PLS1: variants seen among roughly 807,000 people sequenced by gnomAD.
PLS1 encodes the protein plastin-1.
Under a neutral mutation model 73.7 loss-of-function variants are expected in PLS1, and 32 were observed. That is an observed-to-expected ratio of 0.43 (90% CI 0.33 to 0.58). The LOEUF (loss-of-function observed/expected upper bound fraction) is 0.58, where lower values mean the gene tolerates loss of function less well. PLS1 is among the 20% of genes least tolerant of loss of function. PLS1 has a pLI of 0.04. For missense variants in PLS1, 633 were observed against 740.5 expected, an observed-to-expected ratio of 0.85 and a Z score of 1.68; for synonymous variants, 217 against 261.3, an observed-to-expected ratio of 0.83 and a Z score of 1.63.
At chr3:142,680,932 T>C (rs2037839750) in intron 6 of PLS1, among the ~76,000 whole-genome samples, 1 of 152,186 alleles carries the variant, frequency 6.6e-6, no homozygotes, top group South Asian at 2.1e-4. Context: ...GTGGTAGTAA[T>C]AGCAACTATT....
chr3:142,633,721 G>A (rs1177742717), intron 1 of PLS1, among the ~76,000 whole-genome samples: 1 of 152,050 alleles, frequency 6.6e-6, no homozygotes, highest in Non-Finnish European at 1.5e-5. Context: ...AATGTTATGT[G>A]TTTTTTACCA....
chr3:142,607,356 T>C (rs1577765014), intron 1 of PLS1, among the ~76,000 whole-genome samples: 1 of 152,320 alleles, frequency 6.6e-6, no homozygotes, highest in African/African-American at 2.4e-5. Context: ...CTCGGCTCAC[T>C]GCAACCTCTG....
At chr3:142,636,765 T>C (rs1033684439) in intron 1 of PLS1, among the ~76,000 whole-genome samples, 10 of 152,094 alleles carry the variant, frequency 6.6e-5, no homozygotes, top group African/African-American at 2.4e-4. Flanking sequence ...GGCAAAAGAT[T>C]TGGACACTTA....
At chr3:142,637,063 A>C (rs1309451412) in intron 1 of PLS1, among the ~76,000 whole-genome samples, 1 of 152,220 alleles carries the variant, frequency 6.6e-6, no homozygotes, top group Non-Finnish European at 1.5e-5. Flanking sequence ...TACTATAGGC[A>C]TTTACTGAAG....
intron 1 of PLS1, among the ~76,000 whole-genome samples, chr3:142,628,298 A>G (rs2036474558): frequency 6.6e-6 from 1 of 151,864 alleles, no homozygotes; most frequent in African/African-American, 2.4e-5. Flanking sequence ...TTATATGTGG[A>G]AATGGGAATA....
chr3:142,668,873 A>G (rs2037538058), intron 2 of PLS1, among the ~76,000 whole-genome samples: 1 of 151,948 alleles, frequency 6.6e-6, no homozygotes, highest in Non-Finnish European at 1.5e-5. Context: ...AAGTGCTGGG[A>G]TTATAAGTGT....
At chr3:142,656,515 C>G (rs946192970) in intron 1 of PLS1, 2 of 152,170 alleles carry the variant, frequency 1.3e-5, no homozygotes, top group African/African-American at 4.8e-5. Context: ...TAAAGAAAAT[C>G]TGATAAAAAA....
chr3:142,655,985 A>C (rs930826819), intron 1 of PLS1, among the ~76,000 whole-genome samples: 1 of 152,122 alleles, frequency 6.6e-6, no homozygotes, highest in Admixed American at 6.5e-5. Context: ...TTTTTGAGAT[A>C]GAGTCTCACT....
chr3:142,672,066 CAAAAA>C, intron 4 of PLS1, among the ~76,000 whole-genome samples: 1 of 150,618 alleles, frequency 6.6e-6, no homozygotes, highest in Middle Eastern at 3.4e-3. Flanking sequence ...TTTTTAAAGA[CAAAAA>C]AAAATTATTA....
intron 1 of PLS1, among the ~76,000 whole-genome samples, chr3:142,599,293 CTAATTG>C (rs1466360582): frequency 6.6e-6 from 1 of 150,448 alleles, no homozygotes; most frequent in South Asian, 2.1e-4. Flanking sequence ...AGACTATCCC[CTAATTG>C]TATAGAGGAG....
intron 1 of PLS1, among the ~76,000 whole-genome samples, chr3:142,629,843 A>G (rs1341703156): frequency 2.0e-5 from 3 of 152,154 alleles, no homozygotes; most frequent in African/African-American, 7.2e-5. Context: ...TGTGTATTAT[A>G]TGATGTTTAG....
chr3:142,651,652 A>G (rs1346106026), intron 1 of PLS1, among the ~76,000 whole-genome samples: 1 of 152,100 alleles, frequency 6.6e-6, no homozygotes, highest in Non-Finnish European at 1.5e-5. Flanking sequence ...AAAGAAACAC[A>G]CAGCATTTCC....
chr3:142,649,335 C>CAAAAA (rs3055060), intron 1 of PLS1, among the ~76,000 whole-genome samples: 7,820 of 92,940 alleles, frequency 0.084, 769 homozygotes, highest in African/African-American at 0.2. Flanking sequence ...GACCCTATGT[C>CAAAAA]AAAAAAAAAA....
intron 1 of PLS1, among the ~76,000 whole-genome samples, chr3:142,607,265 T>A (rs1252251526): frequency 6.6e-6 from 1 of 150,682 alleles, no homozygotes; most frequent in Non-Finnish European, 1.5e-5. Context: ...GACATACTGT[T>A]ACCCTATTAT....
intron 1 of PLS1, among the ~76,000 whole-genome samples, chr3:142,620,541 G>A (rs140053344): frequency 2.6e-5 from 4 of 152,254 alleles, no homozygotes; most frequent in East Asian, 1.9e-4. Context: ...TTTTAAAAAC[G>A]TGACTCTTGC....
chr3:142,676,168 G>A lies in PLS1; in HGVS notation c.376G>A (p.Val126Met). Reference protein sequence around the residue: ...TQHSYSEEEKVAFVNWINKAL... With the variant: ...TQHSYSEEEKMAFVNWINKAL... ...TTTTCTCCTTTCAGAGGAAGAAAAA[G>A]TGGCTTTTGTTAACTGGATAAACAA... is the stretch of plus-strand genomic sequence containing the variant. Residue 126 changes from valine to methionine, a missense_variant, in exon 5 of 16, where the codon GTG becomes ATG. Val to Met is a conservative substitution (Grantham distance 21). Transcript: ENST00000457734. 6.2e-7 allele frequency: 1 copy of A among 1,611,830 alleles called. No homozygotes were observed. The highest frequency in any genetic ancestry group is 8.5e-7 in the Non-Finnish European group (1 of 1,179,320).
intron 1 of PLS1, among the ~76,000 whole-genome samples, chr3:142,649,317 C>T (rs1184603801): frequency 8.7e-6 from 1 of 114,530 alleles, no homozygotes; most frequent in Non-Finnish European, 1.7e-5. Context: ...GTTTGGGTAA[C>T]AGAGTGAGAC....
intron 11 of PLS1, among the ~76,000 whole-genome samples, chr3:142,695,681 T>C (rs934848675): frequency 6.6e-6 from 1 of 152,196 alleles, no homozygotes; most frequent in African/African-American, 2.4e-5. Flanking sequence ...GTATTCGAAT[T>C]TTAAAAGAAA....
At chr3:142,647,489 T>C (rs1015467859) in intron 1 of PLS1, among the ~76,000 whole-genome samples, 52 of 137,248 alleles carry the variant, frequency 3.8e-4, no homozygotes, top group African/African-American at 1.5e-3. Flanking sequence ...CATTTTTCTT[T>C]TTCTTTTTCT....
Sources: allele counts gnomAD v4.1 joint callset (sites outside exome capture counted in the v4.1 genomes callset), GRCh38; gene constraint gnomAD v4.1.1; transcripts MANE v1.5; gene names NCBI Gene and HGNC (gene_info 2026-07-23, HGNC 2026-07-21).